The following RGSL1 variants were observed in gnomAD, a reference collection of about 807,000 sequenced individuals.
The protein encoded by RGSL1 is regulator of G protein signaling like 1, also known as regulator of G protein signaling protein-like.
A neutral mutation model predicts 124.7 loss-of-function variants in RGSL1; 97 were observed. That is an observed-to-expected ratio of 0.78 (90% confidence interval 0.66 to 0.92). RGSL1 has a LOEUF of 0.92. RGSL1 is among the 40% of genes least tolerant of loss of function. RGSL1 has a pLI of 0.00. For missense variants in RGSL1, 1,233 were observed against 1,288.4 expected (o/e 0.96, Z 0.66); for synonymous variants, 424 against 438.1 (o/e 0.97, Z 0.40).
intron 18 of RGSL1, among the ~76,000 whole-genome samples, chr1:182,551,778 A>G: frequency 6.6e-6 from 1 of 152,206 alleles, no homozygotes; most frequent in East Asian, 1.9e-4. Context: ...GCACCACATA[A>G]TGATGTTTCA....
intron 18 of RGSL1, among the ~76,000 whole-genome samples, chr1:182,551,969 C>T (rs1660590079): frequency 6.6e-6 from 1 of 152,148 alleles, no homozygotes; most frequent in African/African-American, 2.4e-5. Flanking sequence ...TAGGTTCTTC[C>T]ATAAAGCCTG....
chr1:182,547,611 C>T (rs1457440820), intron 15 of RGSL1, among the ~76,000 whole-genome samples: 2 of 152,186 alleles, frequency 1.3e-5, no homozygotes, highest in South Asian at 2.1e-4. Context: ...CCTGTAGTCC[C>T]AGCACTTTGG....
intron 17 of RGSL1, chr1:182,549,282 G>C (rs963218477): frequency 1.9e-5 from 3 of 156,382 alleles, no homozygotes; most frequent in African/African-American, 7.2e-5. Flanking sequence ...ACAGTTGCTA[G>C]ATACTCCAAT....
In RGSL1 at chr1:182,512,507, A is replaced by G. The variant is rs576176131; in HGVS notation, c.1826-9497A>G. 4.4e-3 allele frequency among the ~76,000 whole-genome samples: 676 copies of G among 152,284 alleles called. 3 individuals are homozygous for G. The highest frequency in any genetic ancestry group is 7.5e-3 in the Non-Finnish European group (508 of 68,028). ...CTTATGGGAGGAGGGGCACGCAGACAGGCAGGTTCAGGAGCCAGGGCAAGT... is the reference window on the plus strand; with the variant it reads ...CTTATGGGAGGAGGGGCACGCAGACGGGCAGGTTCAGGAGCCAGGGCAAGT... On this transcript the variant is annotated intron_variant, in intron 9 of 21. Coordinates refer to ENST00000294854, the MANE Select transcript of RGSL1 (RefSeq NM_001137669.2).
chr1:182,453,008 A>G (rs190805492), intron 1 of RGSL1, among the ~76,000 whole-genome samples: 2 of 152,294 alleles, frequency 1.3e-5, no homozygotes, highest in African/African-American at 4.8e-5. Context: ...TTTATTATTC[A>G]CTAGCTGAAT....
intron 6 of RGSL1, among the ~76,000 whole-genome samples, chr1:182,476,501 C>A (rs1654299731): frequency 6.6e-6 from 1 of 152,222 alleles, no homozygotes; most frequent in Non-Finnish European, 1.5e-5. Flanking sequence ...ACCACTCTCA[C>A]CCAAGCCCTG....
chr1:182,528,554 A>G (rs540682542), intron 11 of RGSL1, among the ~76,000 whole-genome samples: 11 of 152,332 alleles, frequency 7.2e-5, no homozygotes, highest in Admixed American at 6.5e-5. Context: ...CACCCATTCC[A>G]AAAGGGAGAA....
chr1:182,487,712 A>G lies in RGSL1; in HGVS notation c.1432-573A>G, dbSNP rs148747427. On this transcript the variant is annotated intron_variant, in intron 6 of 21. Coordinates refer to ENST00000294854, the MANE Select transcript of RGSL1 (RefSeq NM_001137669.2). ...ACACTTGCAGCATGTTGATCTCTAT[A>G]TTCCCAGCACTTTGTAAAGTGCCTG... is the stretch of plus-strand genomic sequence containing the variant. Among the ~76,000 whole-genome samples, 66 of 152,328 alleles carry G rather than the reference A, an allele frequency of 4.3e-4. No individual in the cohort carries two copies. The East Asian group carries it at 0.011, about 26-fold the overall frequency.
chr1:182,474,640 T>A, intron 6 of RGSL1, 98 bp downstream of exon 6: 2 of 1,415,976 alleles, frequency 1.4e-6, no homozygotes, highest in Middle Eastern at 2.2e-4. Flanking sequence ...AGTGACTATA[T>A]AATTACCCAC....
At chr1:182,460,653 T>C in intron 4 of RGSL1, 1 of 456,016 alleles carries the variant, frequency 2.2e-6, no homozygotes, top group Non-Finnish European at 4.4e-6. Context: ...AAAAAGTAAT[T>C]GGTGGTGGTG....
At chr1:182,488,223 C>T (rs888520328) in intron 6 of RGSL1, 62 bp from the exon 7 acceptor site, 3 of 1,466,934 alleles carry the variant, frequency 2.0e-6, no homozygotes, top group Admixed American at 2.0e-5. Flanking sequence ...TGAACATATG[C>T]AGGAAAGATG....
rs983240987 is a variant in RGSL1 at position 182,556,213 on chromosome 1, A to G, written c.*156A>G. 1 of 688,830 alleles carries G rather than the reference A, an allele frequency of 1.5e-6. No individual in the cohort carries two copies. The highest frequency in any genetic ancestry group is 2.5e-6 in the Non-Finnish European group (1 of 403,720). 42.7% of individuals were successfully genotyped at this position (688,830 alleles called of 1,614,324 possible). A position where few individuals can be genotyped will look rare whatever the true frequency, so the allele number is the denominator to read the frequency against. On this transcript the variant is annotated 3_prime_UTR_variant, in exon 21 of 22. Transcript: ENST00000294854. The stretch of plus-strand genomic sequence containing the variant: ...GACAGCCCAGATATGGCAGGACCAG[A>G]CTGCAATGGGTAAGACTTGGGCAGA...
chr1:182,521,958 A>G (rs1558371856), intron 9 of RGSL1, 46 bp from the exon 10 acceptor site: 2 of 1,276,808 alleles, frequency 1.6e-6, no homozygotes, highest in Non-Finnish European at 2.2e-6. Flanking sequence ...TTCCCTTTTC[A>G]TTGCTTATAA....
intron 9 of RGSL1, among the ~76,000 whole-genome samples, chr1:182,493,452 T>C (rs573617176): frequency 6.6e-6 from 1 of 152,212 alleles, no homozygotes; most frequent in East Asian, 1.9e-4. Context: ...GAGGCTGAGA[T>C]TTGTGAAGGG....
chr1:182,549,755 T>G (rs1174407232), intron 17 of RGSL1: 1 of 152,262 alleles, frequency 6.6e-6, no homozygotes, highest in Non-Finnish European at 1.5e-5. Context: ...TCACCTTTAT[T>G]TTAAAATCCT....
rs113855923 is a variant in RGSL1 at position 182,532,766 on chromosome 1, C to T, written c.2469C>T (p.His823=). 1.9e-3 allele frequency: 2,892 copies of T among 1,550,522 alleles called. 35 individuals carry two copies. In the African/African-American group the frequency reaches 0.023, roughly 12 times the overall value. ...SKRQEFEDYL[H]QEMQNSKENF... ...GCCAGGAATTTGAAGACTATCTTCACCAGGAAATGCAAAATAGCAAGGAAA... is the reference window on the plus strand; with the variant it reads ...GCCAGGAATTTGAAGACTATCTTCATCAGGAAATGCAAAATAGCAAGGAAA... Residue 823 remains histidine (H), a synonymous_variant, in exon 14 of 22, where the codon CAC becomes CAT. Transcript: ENST00000294854.
chr1:182,472,343 C>T lies in RGSL1; in HGVS notation c.302-53C>T, dbSNP rs114937969. The T allele has an allele frequency of 1.8e-4, 272 of 1,481,346 alleles. No individual in the cohort carries two copies. In the African/African-American group the frequency reaches 3.4e-3, roughly 19 times the overall value. 91.8% of individuals were successfully genotyped at this position (1,481,346 alleles called of 1,614,324 possible). A position where few individuals can be genotyped will look rare whatever the true frequency, so the allele number is the denominator to read the frequency against. ...CAGTTGATTCACCCAGATGCAACCA[C>T]CAAAGGGGCAAAACTAGGGTATAGC... is the stretch of plus-strand genomic sequence containing the variant. On this transcript the variant is annotated intron_variant, in intron 4 of 21. Coordinates refer to ENST00000294854, the MANE Select transcript of RGSL1 (RefSeq NM_001137669.2).
chr1:182,502,715 T>C (rs953851445), intron 9 of RGSL1, among the ~76,000 whole-genome samples: 2 of 152,238 alleles, frequency 1.3e-5, no homozygotes, highest in African/African-American at 4.8e-5. Flanking sequence ...TTTCACTGCA[T>C]CCCATAGGTT....
intron 15 of RGSL1, among the ~76,000 whole-genome samples, chr1:182,545,658 A>T (rs1234877867): frequency 6.6e-6 from 1 of 152,140 alleles, no homozygotes; most frequent in Non-Finnish European, 1.5e-5. Flanking sequence ...CAGTTGAAGG[A>T]TAGCTTTGCT....
Sources: allele counts gnomAD v4.1 joint callset (sites outside exome capture counted in the v4.1 genomes callset), GRCh38; gene constraint gnomAD v4.1.1; transcripts MANE v1.5; gene names NCBI Gene and HGNC (gene_info 2026-07-23, HGNC 2026-07-21).